Variants in C1GALT1 observed in about 807,000 individuals in gnomAD.
C1GALT1 encodes the protein core 1 synthase, glycoprotein-N-acetylgalactosamine 3-beta-galactosyltransferase 1.
Under a neutral mutation model 31.0 loss-of-function variants are expected in C1GALT1, and 11 were observed. The observed-to-expected ratio is 0.36, with a 90% confidence interval of 0.22 to 0.59. The LOEUF is 0.59. C1GALT1 is among the 20% of genes least tolerant of loss of function. The pLI is 0.79. For synonymous variants in C1GALT1, 175 were observed against 143.6 expected (o/e 1.22, Z -1.56); for missense variants, 424 against 425.2 (o/e 1.00, Z 0.03).
intron 1 of C1GALT1, among the ~76,000 whole-genome samples, chr7:7,230,231 A>C (rs557601914): frequency 1.5e-4 from 23 of 152,336 alleles, no homozygotes; most frequent in African/African-American, 5.3e-4. Context: ...GGATAAAGAC[A>C]CATGAATGGG....
At chr7:7,179,219 TAG>T (rs1316387809), upstream of C1GALT1, among the ~76,000 whole-genome samples, 77 of 152,384 alleles carry the variant, frequency 5.1e-4, no homozygotes, top group Non-Finnish European at 9.6e-4. Flanking sequence ...GCATGTTTTA[TAG>T]TCTCCCCTCA....
chr7:7,170,835 T>G (rs1780446026), intron 2 of C1GALT1, among the ~76,000 whole-genome samples: 1 of 152,208 alleles, frequency 6.6e-6, no homozygotes, highest in Non-Finnish European at 1.5e-5. Flanking sequence ...TTCATTTTCA[T>G]TATTTTCTAG....
At chr7:7,188,351 G>A (rs1780910577) in intron 1 of C1GALT1, among the ~76,000 whole-genome samples, 2 of 152,198 alleles carry the variant, frequency 1.3e-5, no homozygotes, top group Non-Finnish European at 2.9e-5. Flanking sequence ...TTGAATTAGA[G>A]ATGCCTATGG....
At chr7:7,199,846 G>C (rs926347069) in intron 1 of C1GALT1, among the ~76,000 whole-genome samples, 2 of 152,132 alleles carry the variant, frequency 1.3e-5, no homozygotes, top group African/African-American at 4.8e-5. Flanking sequence ...TGTTTTATCA[G>C]AGACTAGGAT....
chr7:7,202,193 G>A (rs1376456383), intron 1 of C1GALT1, among the ~76,000 whole-genome samples: 3 of 152,194 alleles, frequency 2.0e-5, no homozygotes, highest in African/African-American at 7.2e-5. Context: ...TTTTTTGGCT[G>A]TCTCAGGGGA....
chr7:7,207,868 T>C (rs1278530728), intron 1 of C1GALT1, among the ~76,000 whole-genome samples: 3 of 152,292 alleles, frequency 2.0e-5, no homozygotes, highest in East Asian at 3.9e-4. Context: ...TTTTCAGGTC[T>C]TTTCTGTGCC....
intron 1 of C1GALT1, chr7:7,183,662 C>A: frequency 1.1e-6 from 1 of 921,590 alleles, no homozygotes; most frequent in Non-Finnish European, 1.3e-6. Context: ...CTGGTCCTTA[C>A]CGTCTCCCCA....
intron 1 of C1GALT1, among the ~76,000 whole-genome samples, chr7:7,187,459 T>G (rs1780870319): frequency 6.6e-6 from 1 of 152,066 alleles, no homozygotes; most frequent in African/African-American, 2.4e-5. Context: ...AGGGGAGATC[T>G]TTTATGTAAA....
chr7:7,190,515 T>C (rs189629613), intron 1 of C1GALT1, among the ~76,000 whole-genome samples: 114 of 152,296 alleles, frequency 7.5e-4, no homozygotes, highest in African/African-American at 2.6e-3. Context: ...ACATTGTCTT[T>C]AGTATTAACA....
At chr7:7,206,753 G>T (rs1781755896) in intron 1 of C1GALT1, among the ~76,000 whole-genome samples, 1 of 143,148 alleles carries the variant, frequency 7.0e-6, no homozygotes, top group Non-Finnish European at 1.5e-5. Flanking sequence ...TTCATGGTTG[G>T]CATTTTTTTT....
chr7:7,193,229 C>G (rs1022011547), intron 1 of C1GALT1, among the ~76,000 whole-genome samples: 3 of 152,050 alleles, frequency 2.0e-5, no homozygotes, highest in African/African-American at 7.2e-5. Flanking sequence ...TTTGCCTAAG[C>G]CAATGTCTAG....
intron 1 of C1GALT1, among the ~76,000 whole-genome samples, chr7:7,219,103 G>T (rs191117833): frequency 4.3e-4 from 66 of 152,264 alleles, no homozygotes; most frequent in Admixed American, 7.8e-4. Flanking sequence ...CTCCCAAAGT[G>T]CTGGGATTAC....
intron 1 of C1GALT1, among the ~76,000 whole-genome samples, chr7:7,214,852 C>T (rs1782161056): frequency 6.6e-6 from 1 of 152,194 alleles, no homozygotes; most frequent in Non-Finnish European, 1.5e-5. Flanking sequence ...GGGACCAGAC[C>T]AGGAAGCTAG....
At chr7:7,174,339 GGTTTTTGTGTGGACATAA>G (rs1562553748) in intron 2 of C1GALT1, among the ~76,000 whole-genome samples, 1 of 152,214 alleles carries the variant, frequency 6.6e-6, no homozygotes, top group African/African-American at 2.4e-5. Context: ...TTCAAATGCA[GGTTTTTGTGTGGACATAA>G]GTTTCACCTG....
intron 1 of C1GALT1, among the ~76,000 whole-genome samples, chr7:7,229,881 T>TG (rs1009526873): frequency 3.9e-5 from 6 of 151,952 alleles, no homozygotes; most frequent in Admixed American, 3.3e-4. Context: ...GATCGTTGAG[T>TG]GGGGCTATGT....
At chr7:7,210,737 G>A (rs1031426312) in intron 1 of C1GALT1, among the ~76,000 whole-genome samples, 1 of 152,060 alleles carries the variant, frequency 6.6e-6, no homozygotes, top group Non-Finnish European at 1.5e-5. Context: ...ACGCTCGTCG[G>A]GATTCCAGGA....
chr7:7,212,693 G>A (rs1231543184), intron 1 of C1GALT1, among the ~76,000 whole-genome samples: 1 of 152,102 alleles, frequency 6.6e-6, no homozygotes, highest in African/African-American at 2.4e-5. Flanking sequence ...GGAGTCAGGA[G>A]CAATTTTTTG....
At chr7:7,227,774 G>C (rs1156769341) in intron 1 of C1GALT1, among the ~76,000 whole-genome samples, 1 of 151,480 alleles carries the variant, frequency 6.6e-6, no homozygotes, top group African/African-American at 2.4e-5. Context: ...GTTAGCATGC[G>C]TATCCCTCAT....
At chr7:7,180,363 C>G (rs1780556643), upstream of C1GALT1, among the ~76,000 whole-genome samples, 1 of 152,152 alleles carries the variant, frequency 6.6e-6, no homozygotes, top group Non-Finnish European at 1.5e-5. Context: ...GTGCAAAAGC[C>G]TATGGATAAG....
Sources: gnomAD v4.1 joint callset for allele counts (sites outside exome capture counted in the v4.1 genomes callset) on GRCh38, gnomAD v4.1.1 for gene constraint, MANE v1.5 for transcripts, NCBI Gene and HGNC (gene_info 2026-07-23, HGNC 2026-07-21) for gene names.